The following FBN3 variants were observed in gnomAD, a reference collection of about 807,000 sequenced individuals.
The protein encoded by FBN3 is fibrillin-3.
In FBN3, 234 loss-of-function variants were observed where a neutral mutation model predicts 330.1. The observed-to-expected ratio is 0.71, with a 90% CI of 0.64 to 0.79. FBN3 has a LOEUF of 0.79. FBN3 is among the 30% of genes least tolerant of loss of function. The pLI is 0.00. For synonymous variants in FBN3, 1,458 were observed against 1,517.3 expected, an observed-to-expected ratio of 0.96 and a Z score of 0.91; for missense variants, 3,606 against 3,886.9, an observed-to-expected ratio of 0.93 and a Z score of 1.92.
Position 8,147,511 on chromosome 19 carries a change from G to A in FBN3, c.-17-14C>T, listed in dbSNP as rs1359470647. 2.1e-6 allele frequency: 3 copies of A among 1,436,438 alleles called. No homozygotes were observed. The allele number at this position is 1,436,438 out of a possible 1,614,324, so 89.0% of individuals were successfully genotyped here. A position where few individuals can be genotyped will look rare whatever the true frequency, so the allele number is the denominator to read the frequency against. Reference sequence around the variant, plus strand: ...GTCCCCTGGAGGCTGCGGAGAGGAAGCAGAGTCAGCCCTAGATGAGCCCCC... The same window carrying A: ...GTCCCCTGGAGGCTGCGGAGAGGAAACAGAGTCAGCCCTAGATGAGCCCCC... On this transcript the variant is annotated splice_polypyrimidine_tract_variant and intron_variant, in intron 1 of 63. Coordinates refer to ENST00000600128, the MANE Select transcript of FBN3 (RefSeq NM_032447.5).
chr19:8,146,045 A>T (rs2083535938), intron 4 of FBN3, 82 bp downstream of exon 4: 1 of 1,507,690 alleles, frequency 6.6e-7, no homozygotes, highest in Non-Finnish European at 9.0e-7. Context: ...CTGTCCTTCA[A>T]CAAAAGCAGC....
rs988475434 is a variant in FBN3 at position 8,135,863 on chromosome 19, G to T, written c.1591+98C>A. 2.9e-6 allele frequency: 4 copies of T among 1,356,464 alleles called. No individual in the cohort carries two copies. In the African/African-American group the frequency reaches 5.8e-5, roughly 20 times the overall value. The allele number at this position is 1,356,464 out of a possible 1,614,324, so 84.0% of individuals were successfully genotyped here. A position where few individuals can be genotyped will look rare whatever the true frequency, so the allele number is the denominator to read the frequency against. On this transcript the variant is annotated intron_variant, in intron 13 of 63. Transcript: ENST00000600128. Reference sequence around the variant, plus strand: ...TGAGCAGAGGAGACGTCGTAGGGAGGGAGGTGGGTTTGGGGGCACAGTGAA... The same window carrying T: ...TGAGCAGAGGAGACGTCGTAGGGAGTGAGGTGGGTTTGGGGGCACAGTGAA...
At position 8,066,114 on chromosome 19, in the gene FBN3, GT is replaced by G; in HGVS notation, c.8234del (p.Asn2745ThrfsTer34). ...GRIRYVIVRG[N>X]EQGFFRMHHL... ...GATGCATGCGAAAGAAACCTTGCTC[GT>G]TTCCGCGGACGATGACGTAGCGGAT... is the stretch of plus-strand genomic sequence containing the variant. On this transcript the variant is annotated frameshift_variant, in exon 64 of 64. Transcript: ENST00000600128. LOFTEE classifies it low-confidence loss of function (END_TRUNC). 1 of 1,613,556 alleles carries G rather than the reference GT, an allele frequency of 6.2e-7. No individual in the cohort carries two copies. Among genetic ancestry groups the G allele is most frequent in the Non-Finnish European group, 8.5e-7 (1 of 1,179,960 alleles).
In FBN3 at chr19:8,089,643, C is replaced by T. The variant is rs1291573071; in HGVS notation, c.6278G>A (p.Gly2093Asp). ...EDVNECAENP[G>D]VCTNGVCVNT... is the part of the protein sequence containing the mutation. Reference sequence around the variant, plus strand: ...GACACAGACGCCGTTAGTGCAGACGCCAGGGTTCTCTGCACACTCATTCAC... The same window carrying T: ...GACACAGACGCCGTTAGTGCAGACGTCAGGGTTCTCTGCACACTCATTCAC... Residue 2093 changes from glycine to aspartate, a missense_variant, in exon 51 of 64, where the codon GGC becomes GAC. Coordinates refer to ENST00000600128, the MANE Select transcript of FBN3 (RefSeq NM_032447.5). 9 of 1,614,178 alleles carry T rather than the reference C, an allele frequency of 5.6e-6. No homozygotes were observed. In the South Asian group the frequency reaches 9.9e-5, roughly 18 times the overall value.
Position 8,131,636 on chromosome 19 carries a change from A to C in FBN3, c.1908T>G (p.Thr636=). Residue 636 remains threonine, a synonymous_variant, in exon 15 of 64, where the codon ACT becomes ACG. Coordinates refer to ENST00000600128, the MANE Select transcript of FBN3 (RefSeq NM_032447.5). This position sits in a 1 kb window ranked among gnomAD's most constrained non-coding sequence, Gnocchi z 4.5. ...CACAGCAGCACTCGGACTTGGTGACAGTGCCAGGGAAGGGGCGGGCACAGG... is the reference window on the plus strand; with the variant it reads ...CACAGCAGCACTCGGACTTGGTGACCGTGCCAGGGAAGGGGCGGGCACAGG... ...KGSCARPFPG[T]VTKSECCCAN... is the part of the protein sequence containing the mutation. The C allele has an allele frequency of 2.5e-6, 4 of 1,614,204 alleles. No homozygotes were observed. Among genetic ancestry groups the C allele is most frequent in the Non-Finnish European group, 3.4e-6 (4 of 1,180,020 alleles).
intron 1 of FBN3, 119 bp from the exon 2 acceptor site, chr19:8,147,616 C>T: frequency 1.3e-6 from 1 of 795,466 alleles, no homozygotes; most frequent in Non-Finnish European, 1.8e-6. Context: ...CCTCTGGGAG[C>T]CCAAGGAGGC....
In FBN3 at chr19:8,121,233, A is replaced by G. The variant is rs200780239; in HGVS notation, c.3211+25T>C. The G allele has an allele frequency of 3.8e-6, 6 of 1,564,988 alleles. No individual in the cohort carries two copies. The highest frequency in any genetic ancestry group is 5.2e-6 in the Non-Finnish European group (6 of 1,151,776). ...GCCCTCCCTGCCCAGGGCGCCCACC[A>G]CACCCCTGCCCGGCAGTCACCGACC... is the stretch of plus-strand genomic sequence containing the variant. On this transcript the variant is annotated intron_variant, in intron 25 of 63. Coordinates refer to ENST00000600128, the MANE Select transcript of FBN3 (RefSeq NM_032447.5). This position sits in a 1 kb window ranked among gnomAD's most constrained non-coding sequence, Gnocchi z 4.5.
At chr19:8,135,936 G>GGTCCCCCCCCCCCCCCCCCCCCCCC in intron 13 of FBN3, 25 bp downstream of exon 13, 1 of 668,778 alleles carries the variant, frequency 1.5e-6, no homozygotes, top group South Asian at 1.6e-5. Flanking sequence ...GGAAGCCCCT[G>GGTCCCCCCCCCCCCCCCCCCCCCCC]CCCACCCGCC....
intron 29 of FBN3, 122 bp from the exon 30 acceptor site, chr19:8,115,762 G>A: frequency 2.7e-6 from 3 of 1,129,542 alleles, no homozygotes; most frequent in Non-Finnish European, 3.8e-6. Context: ...GGTCCTCTCT[G>A]CTAGGACTCT....
In FBN3 at chr19:8,075,406, CATT is replaced by C. The variant is rs2081617942; in HGVS notation, c.7456_7458del (p.Asn2486del). The C allele has an allele frequency of 6.2e-7, 1 of 1,613,432 alleles. No homozygotes were observed. The highest frequency in any genetic ancestry group is 8.5e-7 in the Non-Finnish European group (1 of 1,179,674). On this transcript the variant is annotated inframe_deletion and splice_region_variant, in exon 60 of 64. Coordinates refer to ENST00000600128, the MANE Select transcript of FBN3 (RefSeq NM_032447.5). Reference sequence around the variant, plus strand: ...GGGCCAGGCTGGGCTGAGCACTCATCATTGTCTGCAGAGGAGAGAGATCAGGCA... The same window carrying C: ...GGGCCAGGCTGGGCTGAGCACTCATCGTCTGCAGAGGAGAGAGATCAGGCA...
chr19:8,126,213 G>A (rs1180632898), intron 21 of FBN3, 84 bp downstream of exon 21: 19 of 1,477,058 alleles, frequency 1.3e-5, no homozygotes, highest in African/African-American at 2.8e-5. Flanking sequence ...GGGCGGGGCC[G>A]GAGGTGGCAC....
chr19:8,123,495 G>A lies in FBN3; in HGVS notation c.3051C>T (p.Phe1017=), dbSNP rs1267151230. The change falls in exon 24 of 64, where the codon TTC becomes TTT. Residue 1017 remains phenylalanine (F), a synonymous_variant. Transcript: ENST00000600128. ...GSFHCACAGG[F]ALDAQERNCT... ...AGTTCCGTTCCTGGGCATCCAGGGCGAAGCCCCCCGCACAGGCGCAGTGGA... is the reference window on the plus strand; with the variant it reads ...AGTTCCGTTCCTGGGCATCCAGGGCAAAGCCCCCCGCACAGGCGCAGTGGA... The A allele has an allele frequency of 6.8e-6, 11 of 1,613,908 alleles. No homozygotes were observed. The highest frequency in any genetic ancestry group is 4.4e-5 in the South Asian group (4 of 91,040).
At chr19:8,103,982 T>C (rs1328082973) in intron 38 of FBN3, among the ~76,000 whole-genome samples, 1 of 150,740 alleles carries the variant, frequency 6.6e-6, no homozygotes, top group African/African-American at 2.4e-5. Flanking sequence ...CTAAAAATTT[T>C]AAAAAATTAG....
chr19:8,076,485 A>G (rs1718526025), intron 59 of FBN3, among the ~76,000 whole-genome samples: 1 of 151,834 alleles, frequency 6.6e-6, no homozygotes, highest in South Asian at 2.1e-4. Flanking sequence ...AAAATACAAA[A>G]CAATTTAGCC....
chr19:8,103,879 G>A (rs1294473974), intron 38 of FBN3, among the ~76,000 whole-genome samples, 192 bp from the exon 39 acceptor site: 1 of 152,094 alleles, frequency 6.6e-6, no homozygotes, highest in African/African-American at 2.4e-5. Flanking sequence ...GCTCATGCCT[G>A]TAATCTGAGC....
At position 8,065,518 on chromosome 19, in the gene FBN3, C is replaced by T. The variant is rs758438775; in HGVS notation, c.*401G>A. The T allele has an allele frequency of 3.0e-5, 6 of 197,326 alleles. No individual in the cohort carries two copies. The highest frequency in any genetic ancestry group is 4.1e-5 in the Non-Finnish European group (4 of 98,632). 12.2% of individuals were successfully genotyped at this position (197,326 alleles called of 1,614,324 possible). A position where few individuals can be genotyped will look rare whatever the true frequency, so the allele number is the denominator to read the frequency against. On this transcript the variant is annotated 3_prime_UTR_variant, in exon 64 of 64. Transcript: ENST00000600128. ...GGGCCCCCTGTACACCCTTCTACTC[C>T]GAGGAATAAGCCCTGTGCCCACCCC...
At chr19:8,075,603 C>A (rs1213580656) in intron 59 of FBN3, among the ~76,000 whole-genome samples, 192 bp from the exon 60 acceptor site, 1 of 152,208 alleles carries the variant, frequency 6.6e-6, no homozygotes, top group Non-Finnish European at 1.5e-5. Context: ...AGATCCTGCA[C>A]ATAAAGAATC....
chr19:8,132,934 T>TTC, intron 14 of FBN3, 50 bp downstream of exon 14: 1 of 1,498,594 alleles, frequency 6.7e-7, no homozygotes, highest in South Asian at 1.3e-5. Context: ...GTCCCTCTGC[T>TTC]TCCCCATCTC....
At chr19:8,071,293 T>C (rs937888780) in intron 63 of FBN3, among the ~76,000 whole-genome samples, 1 of 152,128 alleles carries the variant, frequency 6.6e-6, no homozygotes, top group Non-Finnish European at 1.5e-5. Flanking sequence ...GATGGAGCCA[T>C]AGGCCTGCCC....
Sources: gnomAD v4.1 joint callset for allele counts (sites outside exome capture counted in the v4.1 genomes callset) on GRCh38, gnomAD v4.1.1 for gene constraint, Gnocchi (gnomAD v3.1) non-coding constraint, MANE v1.5 for transcripts, NCBI Gene and HGNC (gene_info 2026-07-23, HGNC 2026-07-21) for gene names.